The following ANKRD33B variants were observed in gnomAD, a reference collection of about 807,000 sequenced individuals.
ANKRD33B encodes ankyrin repeat domain 33B, also known as ankyrin repeat domain-containing protein 33B.
In ANKRD33B, 6 loss-of-function variants were observed where a neutral mutation model predicts 21.5. The observed-to-expected ratio is 0.28, with a 90% confidence interval of 0.15 to 0.55. The LOEUF is 0.55. ANKRD33B is among the 20% of genes least tolerant of loss of function. The pLI is 0.94. For missense variants in ANKRD33B, 698 were observed against 747.2 expected (o/e 0.93, Z 0.77); for synonymous variants, 347 against 342.4 (o/e 1.01, Z -0.15).
chr5:10,640,474 T>C (rs948332247), intron 3 of ANKRD33B, among the ~76,000 whole-genome samples: 2 of 152,234 alleles, frequency 1.3e-5, no homozygotes, highest in African/African-American at 4.8e-5. Flanking sequence ...TTTAACTCTT[T>C]TCTTCACTCT....
At position 10,603,036 on chromosome 5, in the gene ANKRD33B, G is replaced by A. The variant is rs1279313254; in HGVS notation, c.367-15297G>A. Among the ~76,000 whole-genome samples the A allele has an allele frequency of 4.0e-5, 6 of 150,326 alleles. No individual in the cohort carries two copies. In the East Asian group the frequency reaches 1.2e-3, roughly 30 times the overall value. On this transcript the variant is annotated intron_variant, in intron 1 of 3. Coordinates refer to ENST00000296657, the MANE Select transcript of ANKRD33B (RefSeq NM_001164440.2). ...GCCATGTTGCCCAGGCTGGTCTCGA[G>A]CTTCTGAGCTCAAGCCATCCTCCCG...
chr5:10,629,635 G>A (rs1010997358), intron 2 of ANKRD33B, among the ~76,000 whole-genome samples: 2 of 152,148 alleles, frequency 1.3e-5, no homozygotes, highest in African/African-American at 4.8e-5. Flanking sequence ...GAGTTGATGT[G>A]GAAGCTTTAG....
chr5:10,606,661 G>A (rs1291869226), intron 1 of ANKRD33B, among the ~76,000 whole-genome samples: 1 of 150,992 alleles, frequency 6.6e-6, no homozygotes, highest in African/African-American at 2.4e-5. Context: ...TTGAACCCAC[G>A]AGGTGGAGGT....
chr5:10,582,752 C>T (rs1208063453), intron 1 of ANKRD33B, among the ~76,000 whole-genome samples: 2 of 152,224 alleles, frequency 1.3e-5, no homozygotes, highest in African/African-American at 2.4e-5. Flanking sequence ...ACTCAGAGTT[C>T]CCCTCCCATG....
intron 1 of ANKRD33B, among the ~76,000 whole-genome samples, chr5:10,581,799 G>A (rs1031723747): frequency 3.9e-5 from 6 of 152,204 alleles, no homozygotes; most frequent in Non-Finnish European, 5.9e-5. Flanking sequence ...CTGCCTCAAA[G>A]CTGCAGCCTC....
chr5:10,589,394 C>G (rs1227477907), intron 1 of ANKRD33B, among the ~76,000 whole-genome samples: 1 of 152,202 alleles, frequency 6.6e-6, no homozygotes, highest in Non-Finnish European at 1.5e-5. Flanking sequence ...CTACACCAAG[C>G]CTCACCATCT....
chr5:10,632,657 A>T (rs1736753556), intron 2 of ANKRD33B, among the ~76,000 whole-genome samples: 1 of 152,142 alleles, frequency 6.6e-6, no homozygotes, highest in Admixed American at 6.5e-5. Context: ...GCTCCCCACC[A>T]CTGGGAGAGC....
chr5:10,633,835 A>T (rs545310191), intron 2 of ANKRD33B, among the ~76,000 whole-genome samples: 1 of 152,194 alleles, frequency 6.6e-6, no homozygotes, highest in East Asian at 1.9e-4. Flanking sequence ...TTGGAGGAAG[A>T]CGCCCGATAA....
In ANKRD33B at chr5:10,576,910, C is replaced by T. The variant is rs949294749; in HGVS notation, c.366+12077C>T. 1.4e-4 allele frequency among the ~76,000 whole-genome samples: 21 copies of T among 152,078 alleles called. No homozygotes were observed. Among genetic ancestry groups the T allele is most frequent in the African/African-American group, 2.2e-4 (9 of 41,406 alleles). On this transcript the variant is annotated intron_variant, in intron 1 of 3. Coordinates refer to ENST00000296657, the MANE Select transcript of ANKRD33B (RefSeq NM_001164440.2). The surrounding 1 kb of genome is among the most constrained non-coding windows in gnomAD (Gnocchi z 4.1). ...CTTCTGGTGCATCCTGTGGGCACCT[C>T]GGATGACGCGAGGGTGGAGCCTGAA...
intron 3 of ANKRD33B, among the ~76,000 whole-genome samples, chr5:10,638,812 G>A (rs1579753441): frequency 6.6e-6 from 1 of 152,324 alleles, no homozygotes; most frequent in East Asian, 1.9e-4. Context: ...GAGTTGCAGG[G>A]TAATGTTAGG....
rs1734993105 is a variant in ANKRD33B, at chr5:10,564,272, C to A, written c.-196C>A. 2 of 219,838 alleles carry A rather than the reference C, an allele frequency of 9.1e-6. No individual in the cohort carries two copies. The highest frequency in any genetic ancestry group is 1.6e-5 in the Non-Finnish European group (2 of 128,198). The allele number at this position is 219,838 out of a possible 1,614,324, so 13.6% of individuals were successfully genotyped here. ...GGAAAGCCCCCGCGGTCCCGCCCACCCCAGGGGCTCGCTCAGCCTCCGGAG... is the reference window on the plus strand; with the variant it reads ...GGAAAGCCCCCGCGGTCCCGCCCACACCAGGGGCTCGCTCAGCCTCCGGAG... On this transcript the variant is annotated 5_prime_UTR_variant, in exon 1 of 4. Transcript: ENST00000296657.
chr5:10,638,313 T>C (rs1399338943), intron 3 of ANKRD33B, 145 bp downstream of exon 3: 19 of 1,140,080 alleles, frequency 1.7e-5, no homozygotes, highest in Non-Finnish European at 2.2e-5. Flanking sequence ...TGACATATAC[T>C]TCTGTAACTA....
chr5:10,582,970 T>C (rs1371907129), intron 1 of ANKRD33B, among the ~76,000 whole-genome samples: 1 of 151,486 alleles, frequency 6.6e-6, no homozygotes, highest in African/African-American at 2.4e-5. Context: ...CGCACATGGT[T>C]GGTGGATGAT....
chr5:10,637,456 A>ACG, intron 2 of ANKRD33B, among the ~76,000 whole-genome samples: 1 of 134,418 alleles, frequency 7.4e-6, no homozygotes, highest in African/African-American at 2.7e-5. Context: ...ACACACACAC[A>ACG]CACACACGGC....
chr5:10,597,072 C>T (rs1272253221), intron 1 of ANKRD33B, among the ~76,000 whole-genome samples: 1 of 152,120 alleles, frequency 6.6e-6, no homozygotes, highest in Non-Finnish European at 1.5e-5. Context: ...AGGAAAAAAA[C>T]ACTCCCAGCC....
intron 1 of ANKRD33B, among the ~76,000 whole-genome samples, chr5:10,600,644 T>C (rs897478328): frequency 6.6e-6 from 1 of 152,230 alleles, no homozygotes; most frequent in Non-Finnish European, 1.5e-5. Flanking sequence ...CATCTTCATG[T>C]GGATATAGAC....
At position 10,650,084 on chromosome 5, in the gene ANKRD33B, C is replaced by T. The variant is rs777193120; in HGVS notation, c.1456C>T (p.Arg486Cys). The T allele has an allele frequency of 1.2e-5, 18 of 1,526,916 alleles. No individual in the cohort carries two copies. The East Asian group carries it at 4.2e-4, about 36-fold the overall frequency. 94.6% of individuals were successfully genotyped at this position (1,526,916 alleles called of 1,614,324 possible). A position where few individuals can be genotyped will look rare whatever the true frequency, so the allele number is the denominator to read the frequency against. Reference protein sequence around the residue: ...KRQAEAQKERRTAPWKKRT With the variant: ...KRQAEAQKERCTAPWKKRT ...CCAGGCCGAGGCGCAGAAGGAGAGG[C>T]GCACTGCGCCCTGGAAGAAGAGGAC... The change falls in exon 4 of 4, where the codon CGC (arginine) becomes TGC (cysteine). Residue 486 changes from arginine (R) to cysteine (C), a missense_variant. Coordinates refer to ENST00000296657, the MANE Select transcript of ANKRD33B (RefSeq NM_001164440.2).
At chr5:10,629,809 A>C (rs1222472768) in intron 2 of ANKRD33B, among the ~76,000 whole-genome samples, 2 of 152,204 alleles carry the variant, frequency 1.3e-5, no homozygotes, top group African/African-American at 2.4e-5. Flanking sequence ...GAGCATCTGC[A>C]TGTCCATGGA....
chr5:10,657,490 A>G lies in ANKRD33B; in HGVS notation c.*7377A>G, dbSNP rs546438598. ...TCTGGATATTGTAAAGATACTGAGTACAGATATAACTGTGTAAATTTCATA... is the reference window on the plus strand; with the variant it reads ...TCTGGATATTGTAAAGATACTGAGTGCAGATATAACTGTGTAAATTTCATA... On this transcript the variant is annotated 3_prime_UTR_variant, in exon 4 of 4. Coordinates refer to ENST00000296657, the MANE Select transcript of ANKRD33B (RefSeq NM_001164440.2). 41 of 152,246 alleles carry G rather than the reference A, an allele frequency of 2.7e-4. No homozygotes were observed. Among genetic ancestry groups the G allele is most frequent in the Admixed American group, 1.0e-3 (16 of 15,294 alleles). The allele number at this position is 152,246 out of a possible 1,614,324, so 9.4% of individuals were successfully genotyped here.
Sources: allele counts gnomAD v4.1 joint callset (sites outside exome capture counted in the v4.1 genomes callset), GRCh38; gene constraint gnomAD v4.1.1; non-coding constraint Gnocchi (gnomAD v3.1); transcripts MANE v1.5; gene names NCBI Gene and HGNC (gene_info 2026-07-23, HGNC 2026-07-21).